The following TCF7L1 variants were observed in gnomAD, a reference collection of about 807,000 sequenced individuals.
TCF7L1 encodes transcription factor 7-like 1.
Under a neutral mutation model 63.7 loss-of-function variants are expected in TCF7L1, and 18 were observed. The ratio of observed to expected loss-of-function variants is 0.28; its 90% CI spans 0.20 to 0.42. The LOEUF (loss-of-function observed/expected upper bound fraction) is 0.42, where lower values mean the gene tolerates loss of function less well. Among genes scored for constraint, TCF7L1 ranks in the 10% least tolerant of loss-of-function variants. The pLI is 1.00. For synonymous variants in TCF7L1, 355 were observed against 340.9 expected (o/e 1.04, Z -0.46); for missense variants, 654 against 779.3 (o/e 0.84, Z 1.91).
At chr2:85,238,645 G>T (rs1359536608) in intron 3 of TCF7L1, among the ~76,000 whole-genome samples, 3 of 151,830 alleles carry the variant, frequency 2.0e-5, no homozygotes, top group Admixed American at 2.0e-4. Flanking sequence ...TCTGCTGGGG[G>T]GAAACAGAGA....
At chr2:85,150,948 T>C (rs1036866619) in intron 3 of TCF7L1, among the ~76,000 whole-genome samples, 3 of 152,206 alleles carry the variant, frequency 2.0e-5, no homozygotes, top group Non-Finnish European at 4.4e-5. Context: ...ATTGACAGTG[T>C]AGGGCAGGAG....
At chr2:85,284,495 A>T (rs1681496993) in intron 4 of TCF7L1, among the ~76,000 whole-genome samples, 1 of 152,196 alleles carries the variant, frequency 6.6e-6, no homozygotes, top group Non-Finnish European at 1.5e-5. Context: ...CCTCCTCAGG[A>T]CATGCAAAGG....
At chr2:85,170,491 C>T (rs1354660877) in intron 3 of TCF7L1, among the ~76,000 whole-genome samples, 1 of 152,194 alleles carries the variant, frequency 6.6e-6, no homozygotes, top group African/African-American at 2.4e-5. Flanking sequence ...TGTTCTAAAA[C>T]AAGCCAGAGC....
At chr2:85,286,790 T>C (rs1283380647) in intron 4 of TCF7L1, among the ~76,000 whole-genome samples, 2 of 152,150 alleles carry the variant, frequency 1.3e-5, no homozygotes, top group African/African-American at 4.8e-5. Flanking sequence ...CCACTGCGCC[T>C]GGCCAAAATT....
At chr2:85,156,453 C>G (rs1020672880) in intron 3 of TCF7L1, among the ~76,000 whole-genome samples, 7 of 152,184 alleles carry the variant, frequency 4.6e-5, no homozygotes, top group Admixed American at 6.5e-5. Context: ...GTGTTCGTCT[C>G]CCCCAGGCCA....
At chr2:85,140,276 C>G (rs756846026) in intron 3 of TCF7L1, among the ~76,000 whole-genome samples, 5 of 152,114 alleles carry the variant, frequency 3.3e-5, no homozygotes, top group African/African-American at 7.2e-5. Context: ...GAGAGGCTCT[C>G]ATTGGGAGGA....
chr2:85,221,992 G>A (rs186053693), intron 3 of TCF7L1, among the ~76,000 whole-genome samples: 17 of 151,232 alleles, frequency 1.1e-4, no homozygotes, highest in African/African-American at 3.2e-4. Context: ...TACAGGAGGC[G>A]TGGGCAGGGT....
chr2:85,144,738 T>C (rs979994558), intron 3 of TCF7L1, among the ~76,000 whole-genome samples: 8 of 149,010 alleles, frequency 5.4e-5, no homozygotes, highest in Admixed American at 5.3e-4. Context: ...TGTGTGTGTG[T>C]GTGTGTGTGT....
At chr2:85,258,231 G>T (rs921279989) in intron 3 of TCF7L1, among the ~76,000 whole-genome samples, 1 of 152,100 alleles carries the variant, frequency 6.6e-6, no homozygotes, top group Non-Finnish European at 1.5e-5. Flanking sequence ...ACCTGAGCAG[G>T]GGGGGCCTGC....
At chr2:85,257,236 G>A (rs773919001) in intron 3 of TCF7L1, among the ~76,000 whole-genome samples, 10 of 151,958 alleles carry the variant, frequency 6.6e-5, no homozygotes, top group Non-Finnish European at 1.3e-4. Context: ...AGCCGCACAC[G>A]AGATTTGTGT....
intron 3 of TCF7L1, among the ~76,000 whole-genome samples, chr2:85,182,989 G>T (rs985108539): frequency 2.0e-5 from 3 of 152,176 alleles, no homozygotes; most frequent in Non-Finnish European, 4.4e-5. Flanking sequence ...CCGCTCTAGG[G>T]CTTCGTGGTT....
At chr2:85,229,852 CA>C (rs1224463998) in intron 3 of TCF7L1, among the ~76,000 whole-genome samples, 1 of 151,944 alleles carries the variant, frequency 6.6e-6, no homozygotes, top group Non-Finnish European at 1.5e-5. Context: ...ACTAAAAATA[CA>C]AAAAAATAGC....
intron 3 of TCF7L1, among the ~76,000 whole-genome samples, chr2:85,191,589 G>A (rs1260890954): frequency 6.6e-6 from 1 of 152,208 alleles, no homozygotes; most frequent in African/African-American, 2.4e-5. Flanking sequence ...CACTTTCGGA[G>A]GCTGAGGAGG....
At chr2:85,248,075 C>T (rs1221463993) in intron 3 of TCF7L1, among the ~76,000 whole-genome samples, 1 of 152,166 alleles carries the variant, frequency 6.6e-6, no homozygotes, top group Admixed American at 6.5e-5. Flanking sequence ...GACCTGGGTC[C>T]TTCCAGGTAC....
chr2:85,259,022 T>A (rs911119196), intron 3 of TCF7L1, among the ~76,000 whole-genome samples: 5 of 152,144 alleles, frequency 3.3e-5, no homozygotes, highest in Admixed American at 2.0e-4. Context: ...ACCCCCACAC[T>A]CGGTGACACC....
intron 11 of TCF7L1, 120 bp from the exon 12 acceptor site, chr2:85,308,909 T>C: frequency 8.5e-7 from 1 of 1,178,176 alleles, no homozygotes; most frequent in Non-Finnish European, 1.2e-6. Flanking sequence ...GGAAGTAATG[T>C]CAGGTCCTCG....
chr2:85,198,785 C>T (rs1439693423), intron 3 of TCF7L1, among the ~76,000 whole-genome samples: 1 of 152,080 alleles, frequency 6.6e-6, no homozygotes, highest in Non-Finnish European at 1.5e-5. Flanking sequence ...CGCATGAGCC[C>T]AAGAGGTTGA....
chr2:85,222,669 CAAA>C (rs60020804), intron 3 of TCF7L1, among the ~76,000 whole-genome samples: 6 of 58,202 alleles, frequency 1.0e-4, no homozygotes, highest in Admixed American at 2.2e-4. Flanking sequence ...GACCCCATCT[CAAA>C]AAAAAAAAAA....
intron 11 of TCF7L1, among the ~76,000 whole-genome samples, chr2:85,308,547 TTCCC>T (rs1682196645): frequency 3.2e-5 from 4 of 124,624 alleles, no homozygotes; most frequent in Middle Eastern, 4.5e-3. Context: ...CCCTTTCTCC[TTCCC>T]TCCCTCCCTA....
Sources: allele counts gnomAD v4.1 joint callset (sites outside exome capture counted in the v4.1 genomes callset), GRCh38; gene constraint gnomAD v4.1.1; transcripts MANE v1.5; gene names NCBI Gene and HGNC (gene_info 2026-07-23, HGNC 2026-07-21).